The following COL8A1 variants were observed in gnomAD, a reference collection of about 807,000 sequenced individuals.
The protein encoded by COL8A1 is collagen type VIII alpha 1 chain.
In COL8A1, 21 loss-of-function variants were observed where a neutral mutation model predicts 42.7. That is an observed-to-expected ratio of 0.49 (90% confidence interval 0.35 to 0.71). COL8A1 has a LOEUF of 0.71. Ranked by LOEUF, COL8A1 falls within the 30% of genes least tolerant of loss-of-function variation. COL8A1 has a pLI of 0.01. For missense variants in COL8A1, 788 were observed against 962.4 expected, an observed-to-expected ratio of 0.82 and a Z score of 2.40; for synonymous variants, 367 against 369.1, an observed-to-expected ratio of 0.99 and a Z score of 0.06.
rs1490229496 is a variant in COL8A1 at position 99,795,319 on chromosome 3, C to A, written c.1418C>A (p.Pro473His). 3 of 1,606,650 alleles carry A rather than the reference C, an allele frequency of 1.9e-6. No individual in the cohort carries two copies. The highest frequency in any genetic ancestry group is 2.2e-5 in the East Asian group (1 of 44,648). ...EAGQKGVPGLPGVPGLLGPKG... is the reference protein window; with the variant it reads ...EAGQKGVPGLHGVPGLLGPKG... ...GGGCAAAAAGGTGTACCAGGACTCCCTGGTGTTCCAGGGCTTCTCGGACCT... is the reference window on the plus strand; with the variant it reads ...GGGCAAAAAGGTGTACCAGGACTCCATGGTGTTCCAGGGCTTCTCGGACCT... Residue 473 changes from proline (P) to histidine (H), a missense_variant, in exon 4 of 4, where the codon CCT becomes CAT. By Grantham distance (77) the Pro-to-His change is moderately conservative. Coordinates refer to ENST00000652472, the MANE Select transcript of COL8A1 (RefSeq NM_020351.4).
chr3:99,760,941 G>A (rs1317481930), intron 2 of COL8A1, among the ~76,000 whole-genome samples: 2 of 152,180 alleles, frequency 1.3e-5, no homozygotes, highest in Non-Finnish European at 2.9e-5. Context: ...TTTGAAGTCA[G>A]ATCAATTGAT....
Position 99,795,239 on chromosome 3 carries a change from A to G in COL8A1, c.1338A>G (p.Val446=), listed in dbSNP as rs374845624. ...FPGKPGFLGE[V]GPPGMRGLPG... is the part of the protein sequence containing the mutation. Reference sequence around the variant, plus strand: ...GAAAGCCAGGTTTCCTTGGTGAAGTAGGGCCTCCTGGCATGAGGGGTTTGC... The same window carrying G: ...GAAAGCCAGGTTTCCTTGGTGAAGTGGGGCCTCCTGGCATGAGGGGTTTGC... The change falls in exon 4 of 4, where the codon GTA becomes GTG. Residue 446 remains valine, a synonymous_variant. Transcript: ENST00000652472. 10 of 1,613,440 alleles carry G rather than the reference A, an allele frequency of 6.2e-6. No homozygotes were observed. Among genetic ancestry groups the G allele is most frequent in the South Asian group, 5.5e-5 (5 of 91,042 alleles).
At chr3:99,741,292 G>T (rs1291535882) in intron 1 of COL8A1, among the ~76,000 whole-genome samples, 1 of 151,826 alleles carries the variant, frequency 6.6e-6, no homozygotes, top group African/African-American at 2.4e-5. Context: ...TTGGTGATTT[G>T]TAAGAGCTCT....
intron 1 of COL8A1, among the ~76,000 whole-genome samples, chr3:99,728,046 G>C (rs980513966): frequency 6.6e-5 from 10 of 151,118 alleles, no homozygotes; most frequent in African/African-American, 9.8e-5. Flanking sequence ...TACTGAATGG[G>C]CAAAAACTGG....
chr3:99,758,090 T>C (rs1447056885), intron 2 of COL8A1, among the ~76,000 whole-genome samples: 2 of 152,052 alleles, frequency 1.3e-5, no homozygotes, highest in Non-Finnish European at 1.5e-5. Flanking sequence ...AGAGATAAAA[T>C]AAATCTTTCT....
rs80013844 is a variant in COL8A1, at chr3:99,705,242, G to A, written c.-128-39655G>A. On this transcript the variant is annotated intron_variant, in intron 1 of 3. Transcript: ENST00000652472. ...GTCCAGGTTAGTGAATCATGTAGAA[G>A]TTAATTTATTCATTTAACAAATTTA... is the stretch of plus-strand genomic sequence containing the variant. Among the ~76,000 whole-genome samples, 485 of 152,308 alleles carry A rather than the reference G, an allele frequency of 3.2e-3. 3 individuals carry two copies. The highest frequency in any genetic ancestry group is 0.011 in the African/African-American group (473 of 41,560).
intron 1 of COL8A1, among the ~76,000 whole-genome samples, chr3:99,721,052 T>C (rs1313697464): frequency 6.6e-6 from 1 of 151,888 alleles, no homozygotes; most frequent in African/African-American, 2.4e-5. Flanking sequence ...AAAGGGCTGA[T>C]GGAGAGCATT....
chr3:99,657,619 C>G (rs980350257), intron 1 of COL8A1, among the ~76,000 whole-genome samples: 1 of 152,138 alleles, frequency 6.6e-6, no homozygotes, highest in Non-Finnish European at 1.5e-5. Flanking sequence ...CTCAACTTAA[C>G]GCATCTTAGC....
chr3:99,728,558 A>G (rs1457377563), intron 1 of COL8A1, among the ~76,000 whole-genome samples: 1 of 152,098 alleles, frequency 6.6e-6, no homozygotes, highest in Non-Finnish European at 1.5e-5. Context: ...AATCTTAAAC[A>G]GGAATAATAC....
chr3:99,711,216 G>A (rs1939824428), intron 1 of COL8A1, among the ~76,000 whole-genome samples: 1 of 152,056 alleles, frequency 6.6e-6, no homozygotes, highest in African/African-American at 2.4e-5. Flanking sequence ...TTAGAAGTAA[G>A]AAGACAATTT....
At chr3:99,641,534 T>A (rs1424876253) in intron 1 of COL8A1, among the ~76,000 whole-genome samples, 5 of 152,316 alleles carry the variant, frequency 3.3e-5, no homozygotes, top group African/African-American at 1.2e-4. Flanking sequence ...CCTTAAAACA[T>A]GTTTTTAACT....
rs184251630 is a variant in COL8A1, at chr3:99,654,326, G to A, written c.-129+15662G>A. Among the ~76,000 whole-genome samples, 11 of 152,182 alleles carry A rather than the reference G, an allele frequency of 7.2e-5. No individual in the cohort carries two copies. In the East Asian group the frequency reaches 1.2e-3, roughly 16 times the overall value. On this transcript the variant is annotated intron_variant, in intron 1 of 3. Transcript: ENST00000652472. ...GCAACACCCTCACAGACACACCCAGGAACAATACTTGGCATCCTTCAATCC... is the reference window on the plus strand; with the variant it reads ...GCAACACCCTCACAGACACACCCAGAAACAATACTTGGCATCCTTCAATCC...
At chr3:99,669,395 G>A (rs1257626460) in intron 1 of COL8A1, among the ~76,000 whole-genome samples, 1 of 151,814 alleles carries the variant, frequency 6.6e-6, no homozygotes, top group Non-Finnish European at 1.5e-5. Flanking sequence ...TTCCAGACAG[G>A]AGCAGGGTCT....
At chr3:99,729,476 G>C (rs1940435864) in intron 1 of COL8A1, among the ~76,000 whole-genome samples, 1 of 151,806 alleles carries the variant, frequency 6.6e-6, no homozygotes, top group African/African-American at 2.4e-5. Context: ...TTTAAAAAAA[G>C]AAAAGGAAAA....
intron 1 of COL8A1, among the ~76,000 whole-genome samples, chr3:99,714,144 C>T (rs1162929848): frequency 6.6e-6 from 1 of 152,066 alleles, no homozygotes; most frequent in East Asian, 1.9e-4. Flanking sequence ...TCTAAAAACA[C>T]ATGTATTTAT....
At chr3:99,773,885 C>T (rs1407016060) in intron 2 of COL8A1, among the ~76,000 whole-genome samples, 10 of 93,968 alleles carry the variant, frequency 1.1e-4, no homozygotes, top group Non-Finnish European at 1.5e-4. Context: ...CACTGTGTCA[C>T]CCAGGCGGGA....
At chr3:99,715,662 G>T (rs1389582997) in intron 1 of COL8A1, among the ~76,000 whole-genome samples, 1 of 151,990 alleles carries the variant, frequency 6.6e-6, no homozygotes, top group Non-Finnish European at 1.5e-5. Context: ...GCAAAAATTT[G>T]TTGGAGCCGG....
intron 2 of COL8A1, among the ~76,000 whole-genome samples, chr3:99,750,049 CTTTT>C (rs1176042144): frequency 4.5e-5 from 3 of 65,960 alleles, no homozygotes; most frequent in Non-Finnish European, 7.9e-5. Flanking sequence ...TTTTTTTCTT[CTTTT>C]TTTTTTTTTT....
At chr3:99,706,088 T>C (rs918366924) in intron 1 of COL8A1, among the ~76,000 whole-genome samples, 6 of 152,284 alleles carry the variant, frequency 3.9e-5, no homozygotes, top group Middle Eastern at 3.4e-3. Flanking sequence ...AGGAAAAATA[T>C]GTAGCCTGTA....
Sources: allele counts gnomAD v4.1 joint callset (sites outside exome capture counted in the v4.1 genomes callset), GRCh38; gene constraint gnomAD v4.1.1; transcripts MANE v1.5; gene names NCBI Gene and HGNC (gene_info 2026-07-23, HGNC 2026-07-21).